Variants in SIN3A observed in about 807,000 individuals in gnomAD.
SIN3A encodes the protein paired amphipathic helix protein Sin3a.
A neutral mutation model predicts 146.1 loss-of-function variants in SIN3A; 14 were observed. The ratio of observed to expected loss-of-function variants is 0.10; its 90% confidence interval spans 0.06 to 0.15. The LOEUF (loss-of-function observed/expected upper bound fraction) is 0.15. Ranked by LOEUF, SIN3A falls within the 10% of genes least tolerant of loss-of-function variation. SIN3A has a pLI of 1.00. For missense variants in SIN3A, 1,028 were observed against 1,576.0 expected (o/e 0.65, Z 5.89); for synonymous variants, 572 against 572.0 (o/e 1.00, Z 0.00).
chr15:75,425,832 T>C (rs2073914994), intron 2 of SIN3A, among the ~76,000 whole-genome samples: 1 of 152,180 alleles, frequency 6.6e-6, no homozygotes, highest in South Asian at 2.1e-4. Flanking sequence ...TACCACAATT[T>C]AAGAGAGAAT....
At chr15:75,417,034 C>CTT (rs944514856) in intron 3 of SIN3A, among the ~76,000 whole-genome samples, 1 of 140,758 alleles carries the variant, frequency 7.1e-6, no homozygotes, top group Non-Finnish European at 1.6e-5. Flanking sequence ...TTTATAGTGG[C>CTT]TTTTTTTTTT....
Position 75,414,072 on chromosome 15 carries a change from A to T in SIN3A, c.473+133T>A, listed in dbSNP as rs1489268647. 13 of 418,112 alleles carry T rather than the reference A, an allele frequency of 3.1e-5. No individual in the cohort carries two copies. The East Asian group carries it at 3.9e-4, about 13-fold the overall frequency. 25.9% of individuals were successfully genotyped at this position (418,112 alleles called of 1,614,324 possible). ...TTTCCATCAATAAAGGTATGCATAAAATAAAGGCATGATTTTGAAAATTCA... is the reference window on the plus strand; with the variant it reads ...TTTCCATCAATAAAGGTATGCATAATATAAAGGCATGATTTTGAAAATTCA... On this transcript the variant is annotated intron_variant, in intron 4 of 20. Coordinates refer to ENST00000394947, the MANE Select transcript of SIN3A (RefSeq NM_001145358.2).
intron 6 of SIN3A, 139 bp downstream of exon 6, chr15:75,411,353 G>T: frequency 1.0e-6 from 1 of 964,798 alleles, no homozygotes; most frequent in Non-Finnish European, 1.5e-6. Context: ...AAACAAACTG[G>T]CTTTAAAAAC....
At chr15:75,452,124 T>G (rs1595937928), upstream of SIN3A, among the ~76,000 whole-genome samples, 1 of 152,092 alleles carries the variant, frequency 6.6e-6, no homozygotes, top group East Asian at 1.9e-4. Flanking sequence ...GTAACCGATG[T>G]GGGGTAAAAT....
chr15:75,422,111 T>C (rs1385333136), intron 3 of SIN3A: 1 of 164,126 alleles, frequency 6.1e-6, no homozygotes, highest in Non-Finnish European at 1.3e-5. Context: ...CTGGGCATAG[T>C]GGCTCGCACC....
At chr15:75,428,819 A>G (rs1209025342) in intron 2 of SIN3A, among the ~76,000 whole-genome samples, 13 of 152,096 alleles carry the variant, frequency 8.5e-5, no homozygotes, top group Admixed American at 8.5e-4. Context: ...CCACTTATAC[A>G]TGGATTTTCT....
intron 9 of SIN3A, among the ~76,000 whole-genome samples, chr15:75,405,168 A>C (rs1595903137): frequency 6.6e-6 from 1 of 151,570 alleles, no homozygotes; most frequent in Non-Finnish European, 1.5e-5. Flanking sequence ...GGAGTTCAAG[A>C]CCAGCCTGGC....
intron 9 of SIN3A, among the ~76,000 whole-genome samples, chr15:75,405,228 GT>G (rs1567355733): frequency 6.6e-6 from 1 of 151,252 alleles, no homozygotes; most frequent in Non-Finnish European, 1.5e-5. Flanking sequence ...TTAGCCAGGC[GT>G]TGTGGCGGGG....
Position 75,417,263 on chromosome 15 carries a change from C to T in SIN3A, c.367-2952G>A, listed in dbSNP as rs916173691. The stretch of plus-strand genomic sequence containing the variant: ...GGTGTTTCCTATTTACTCTGAGATA[C>T]GTTAAGTTTTATTTTGGTAGTTTAA... On this transcript the variant is annotated intron_variant, in intron 3 of 20. Transcript: ENST00000394947. Among the ~76,000 whole-genome samples, 20 of 152,000 alleles carry T rather than the reference C, an allele frequency of 1.3e-4. No individual in the cohort carries two copies. In the South Asian group the frequency reaches 1.7e-3, roughly 13 times the overall value.
chr15:75,442,422 C>T (rs899430306), intron 1 of SIN3A, among the ~76,000 whole-genome samples: 1 of 151,286 alleles, frequency 6.6e-6, no homozygotes, highest in Non-Finnish European at 1.5e-5. Flanking sequence ...ATCCTCCCAC[C>T]TCAGCCTCCC....
intron 1 of SIN3A, among the ~76,000 whole-genome samples, chr15:75,434,066 C>T (rs2074060174): frequency 6.6e-6 from 1 of 152,170 alleles, no homozygotes; most frequent in South Asian, 2.1e-4. Context: ...AATCTGTCTC[C>T]AGAGCCTGGC....
intron 1 of SIN3A, among the ~76,000 whole-genome samples, chr15:75,441,768 A>G (rs2074216023): frequency 6.6e-6 from 1 of 152,168 alleles, no homozygotes; most frequent in South Asian, 2.1e-4. Context: ...GAGAACAGTC[A>G]TCTTCTTTGC....
Position 75,392,616 on chromosome 15 carries a change from G to A in SIN3A, c.2477C>T (p.Ala826Val), listed in dbSNP as rs551685122. The change falls in exon 15 of 21, where the codon GCC (alanine) becomes GTC (valine). Residue 826 changes from alanine to valine, a missense_variant. Physicochemically the swap from Ala to Val is moderately conservative, Grantham distance 64. Transcript: ENST00000394947. ...CACATCTGAGAGATCACCTCTTTGG[G>A]CAAAGAGCAAATCTGGAATAAAATG... Reference protein sequence around the residue: ...MHHFIPDLLFAQRGDLSDVEE... With the variant: ...MHHFIPDLLFVQRGDLSDVEE... The A allele has an allele frequency of 6.2e-7, 1 of 1,613,900 alleles. No individual in the cohort carries two copies. The highest frequency in any genetic ancestry group is 1.3e-5 in the African/African-American group (1 of 74,898).
chr15:75,445,668 G>A (rs1039729269), intron 1 of SIN3A, among the ~76,000 whole-genome samples: 1 of 151,362 alleles, frequency 6.6e-6, no homozygotes, highest in African/African-American at 2.4e-5. Context: ...ACTTGAAGCT[G>A]GGTGTGTGTA....
At chr15:75,386,950 C>T (rs2073095654) in intron 16 of SIN3A, among the ~76,000 whole-genome samples, 1 of 152,286 alleles carries the variant, frequency 6.6e-6, no homozygotes, top group South Asian at 2.1e-4. Context: ...GGACTACAGG[C>T]ATGTGCCACC....
chr15:75,426,651 C>T (rs1440507073), intron 2 of SIN3A, among the ~76,000 whole-genome samples: 1 of 152,122 alleles, frequency 6.6e-6, no homozygotes, highest in Non-Finnish European at 1.5e-5. Context: ...GCAGAAAGGG[C>T]GGACGAGGTG....
chr15:75,455,323 C>A (rs951425208), upstream of SIN3A, among the ~76,000 whole-genome samples: 1 of 152,196 alleles, frequency 6.6e-6, no homozygotes, highest in East Asian at 1.9e-4. Flanking sequence ...CGCCCCCTGC[C>A]GAGCCCGCAC....
intron 16 of SIN3A, among the ~76,000 whole-genome samples, chr15:75,386,416 A>T (rs2073080809): frequency 6.6e-6 from 1 of 152,238 alleles, no homozygotes; most frequent in Non-Finnish European, 1.5e-5. Flanking sequence ...GTCTTCAGAA[A>T]AGACAGCACT....
intron 1 of SIN3A, among the ~76,000 whole-genome samples, chr15:75,449,130 C>T (rs1311013534): frequency 6.6e-6 from 1 of 152,180 alleles, no homozygotes; most frequent in Non-Finnish European, 1.5e-5. Context: ...CCAAATTTTC[C>T]TCAATGGTCA....
Sources: gnomAD v4.1 joint callset for allele counts (sites outside exome capture counted in the v4.1 genomes callset) on GRCh38, gnomAD v4.1.1 for gene constraint, MANE v1.5 for transcripts, NCBI Gene and HGNC (gene_info 2026-07-23, HGNC 2026-07-21) for gene names.